Variants in IL1R1 observed in about 807,000 individuals in gnomAD.
The protein encoded by IL1R1 is interleukin 1 receptor type 1.
Under a neutral mutation model 50.2 loss-of-function variants are expected in IL1R1, and 22 were observed. The ratio of observed to expected loss-of-function variants is 0.44; its 90% CI spans 0.31 to 0.63. IL1R1 has a LOEUF of 0.63. Among genes scored for constraint, IL1R1 ranks in the 20% least tolerant of loss-of-function variants. The pLI, the probability that IL1R1 is intolerant of heterozygous loss-of-function variation, is 0.07. For synonymous variants in IL1R1, 251 were observed against 236.7 expected, an observed-to-expected ratio of 1.06 and a Z score of -0.55; for missense variants, 509 against 676.2, an observed-to-expected ratio of 0.75 and a Z score of 2.74.
intron 11 of IL1R1, 28 bp from the exon 12 acceptor site, chr2:102,176,325 T>G (rs112972404): frequency 0.014 from 22,254 of 1,593,892 alleles, 232 homozygotes; most frequent in East Asian, 0.031. Context: ...AGAATTTTAC[T>G]TACTATATTG....
At chr2:102,086,158 A>G (rs1012600311) in intron 1 of IL1R1, among the ~76,000 whole-genome samples, 4 of 152,216 alleles carry the variant, frequency 2.6e-5, no homozygotes, top group African/African-American at 9.6e-5. Flanking sequence ...CAGAAAAACA[A>G]TCATGCCATC....
intron 1 of IL1R1, among the ~76,000 whole-genome samples, chr2:102,072,918 C>T (rs1385101083): frequency 6.6e-6 from 1 of 152,180 alleles, no homozygotes; most frequent in South Asian, 2.1e-4. Flanking sequence ...GACTGAAGGC[C>T]CTTCCCGGCC....
chr2:102,112,976 G>T (rs1680860100), intron 1 of IL1R1, among the ~76,000 whole-genome samples: 2 of 152,222 alleles, frequency 1.3e-5, no homozygotes. Flanking sequence ...GATACAATGA[G>T]AAGTCAGCTG....
chr2:102,132,852 T>C (rs1682113434), intron 1 of IL1R1, among the ~76,000 whole-genome samples: 1 of 152,098 alleles, frequency 6.6e-6, no homozygotes, highest in South Asian at 2.1e-4. Context: ...TTAGATGAAA[T>C]AGATAAATTC....
intron 1 of IL1R1, among the ~76,000 whole-genome samples, chr2:102,109,538 C>T (rs1280534866): frequency 1.3e-5 from 2 of 152,100 alleles, no homozygotes; most frequent in African/African-American, 4.8e-5. Flanking sequence ...TTGGTTCTTC[C>T]ATCCAAAGGT....
At chr2:102,084,738 C>T (rs1679365007) in intron 1 of IL1R1, among the ~76,000 whole-genome samples, 1 of 152,112 alleles carries the variant, frequency 6.6e-6, no homozygotes, top group African/African-American at 2.4e-5. Flanking sequence ...CTACTATTTT[C>T]TGTTGGTCTT....
rs368432710 is a variant in IL1R1 at position 102,174,647 on chromosome 2, G to T, written c.1052G>T (p.Cys351Phe). 6.2e-7 allele frequency: 1 copy of T among 1,611,650 alleles called. No individual in the cohort carries two copies. The highest frequency in any genetic ancestry group is 8.5e-7 in the Non-Finnish European group (1 of 1,178,816). ...ICVTLTVIIV[C>F]SVFIYKIFKI... ...GTCACGTTGACAGTCATAATTGTGT[G>T]TTCTGTTTTCATCTATAAAATCTTC... is the stretch of plus-strand genomic sequence containing the variant. Residue 351 changes from cysteine to phenylalanine, a missense_variant, in exon 10 of 12, where the codon TGT becomes TTT. Coordinates refer to ENST00000410023, the MANE Select transcript of IL1R1 (RefSeq NM_000877.4).
At chr2:102,164,320 C>G (rs1684980880) in intron 3 of IL1R1, among the ~76,000 whole-genome samples, 1 of 152,150 alleles carries the variant, frequency 6.6e-6, no homozygotes, top group Non-Finnish European at 1.5e-5. Flanking sequence ...CATGGCCTAG[C>G]TGTAATTTTG....
intron 1 of IL1R1, among the ~76,000 whole-genome samples, chr2:102,114,484 G>A (rs2104376226): frequency 6.6e-6 from 1 of 152,226 alleles, no homozygotes. Flanking sequence ...AGTCTCATGT[G>A]AACCTGCCAT....
chr2:102,141,003 C>A (rs1577938416), upstream of IL1R1, among the ~76,000 whole-genome samples: 1 of 152,292 alleles, frequency 6.6e-6, no homozygotes, highest in Non-Finnish European at 1.5e-5. Flanking sequence ...CATGGTTGCA[C>A]AAATCAATTT....
intron 2 of IL1R1, among the ~76,000 whole-genome samples, chr2:102,155,546 C>T (rs989913197): frequency 3.3e-5 from 5 of 152,128 alleles, no homozygotes; most frequent in Non-Finnish European, 5.9e-5. Flanking sequence ...CTTCTGATGT[C>T]CTCACTCCCA....
At chr2:102,172,379 A>T (rs3917306) in intron 8 of IL1R1, 1 of 984,762 alleles carries the variant, frequency 1.0e-6, no homozygotes, top group South Asian at 4.7e-5. Flanking sequence ...ATCTGCCCCA[A>T]TCTCCTCTTG....
rs529531892 is a variant in IL1R1 at position 102,078,203 on chromosome 2, A to G, written c.-84+7670A>G. ...GCCAAATATCAGAAGGAAGTTCATA[A>G]TTAAGATCAGAGTAGAAATAGATAA... On this transcript the variant is annotated intron_variant, in intron 1 of 11. Transcript: ENST00000409929. 7.2e-5 allele frequency among the ~76,000 whole-genome samples: 11 copies of G among 152,250 alleles called. No individual in the cohort carries two copies. In the East Asian group the frequency reaches 2.1e-3, roughly 29 times the overall value.
At chr2:102,120,995 C>T (rs1163627570) in intron 1 of IL1R1, among the ~76,000 whole-genome samples, 1 of 152,184 alleles carries the variant, frequency 6.6e-6, no homozygotes, top group Non-Finnish European at 1.5e-5. Flanking sequence ...TGGCAAGCAG[C>T]TGCTTGGGGA....
At chr2:102,127,026 G>T (rs1278396587) in intron 1 of IL1R1, among the ~76,000 whole-genome samples, 1 of 152,214 alleles carries the variant, frequency 6.6e-6, no homozygotes, top group African/African-American at 2.4e-5. Flanking sequence ...AACCCCTCTT[G>T]TGAACCCTTG....
At chr2:102,168,890 T>C (rs780811096) in intron 7 of IL1R1, among the ~76,000 whole-genome samples, 1 of 152,112 alleles carries the variant, frequency 6.6e-6, no homozygotes, top group Non-Finnish European at 1.5e-5. Flanking sequence ...TGTGAACACT[T>C]ATTACCATGA....
At chr2:102,083,238 A>G (rs995445537) in intron 1 of IL1R1, among the ~76,000 whole-genome samples, 2 of 152,164 alleles carry the variant, frequency 1.3e-5, no homozygotes, top group African/African-American at 4.8e-5. Context: ...TTCAGAGGAC[A>G]CTTTCTTTGA....
At chr2:102,106,990 C>T (rs1680451392) in intron 1 of IL1R1, among the ~76,000 whole-genome samples, 3 of 152,058 alleles carry the variant, frequency 2.0e-5, no homozygotes, top group Admixed American at 2.0e-4. Flanking sequence ...AACGAGTTTT[C>T]CTTGAGATAA....
upstream of IL1R1, among the ~76,000 whole-genome samples, chr2:102,138,584 C>T (rs1407280935): frequency 6.6e-6 from 1 of 152,134 alleles, no homozygotes; most frequent in Non-Finnish European, 1.5e-5. Context: ...AGTAGCCCAC[C>T]ACCAATTGCC....
Sources: allele counts gnomAD v4.1 joint callset (sites outside exome capture counted in the v4.1 genomes callset), GRCh38; gene constraint gnomAD v4.1.1; transcripts MANE v1.5; gene names NCBI Gene and HGNC (gene_info 2026-07-23, HGNC 2026-07-21).